SGCD: variants seen among roughly 807,000 people sequenced by gnomAD.
The protein encoded by SGCD is delta-sarcoglycan.
A neutral mutation model predicts 36.6 loss-of-function variants in SGCD; 18 were observed. The observed-to-expected ratio is 0.49, with a 90% CI of 0.34 to 0.73. The LOEUF is 0.73. Ranked by LOEUF, SGCD falls within the 30% of genes least tolerant of loss-of-function variation. The pLI, the probability that SGCD is intolerant of heterozygous loss-of-function variation, is 0.01. For missense variants in SGCD, 387 were observed against 346.7 expected, an observed-to-expected ratio of 1.12 and a Z score of -0.92; for synonymous variants, 133 against 130.6, an observed-to-expected ratio of 1.02 and a Z score of -0.12.
intron 3 of SGCD, among the ~76,000 whole-genome samples, chr5:156,137,949 A>G (rs561565660): frequency 2.6e-5 from 4 of 152,350 alleles, no homozygotes; most frequent in African/African-American, 9.6e-5. Context: ...CAATAAAATC[A>G]CACATTTTAA....
chr5:156,622,164 G>C (rs1191647115), intron 6 of SGCD, among the ~76,000 whole-genome samples: 2 of 152,046 alleles, frequency 1.3e-5, no homozygotes, highest in Non-Finnish European at 2.9e-5. Flanking sequence ...CAGCCGTGGT[G>C]GCTCACACCT....
At chr5:156,207,577 A>G (rs1764323110) in intron 3 of SGCD, among the ~76,000 whole-genome samples, 1 of 152,200 alleles carries the variant, frequency 6.6e-6, no homozygotes, top group African/African-American at 2.4e-5. Context: ...TCTTAAAATT[A>G]GTAGTTTGGT....
At chr5:155,754,496 CT>C in the SGCD span, among the ~76,000 whole-genome samples, 1 of 152,188 alleles carries the variant, frequency 6.6e-6, no homozygotes, top group South Asian at 2.1e-4. Flanking sequence ...TGCTTCCAAT[CT>C]CCAGCATGGA....
At chr5:156,167,597 T>A (rs1286864742) in intron 3 of SGCD, among the ~76,000 whole-genome samples, 4 of 152,150 alleles carry the variant, frequency 2.6e-5, no homozygotes, top group African/African-American at 9.7e-5. Flanking sequence ...TCCCTGGCAA[T>A]GAGTTCACAT....
intron 1 of SGCD, among the ~76,000 whole-genome samples, chr5:155,910,568 A>G (rs928661492): frequency 6.6e-5 from 10 of 152,116 alleles, no homozygotes; most frequent in East Asian, 1.9e-4. Context: ...TAGTAAAAAA[A>G]TATCCACAGA....
rs902677067 is a variant in SGCD, at chr5:156,763,504, T to A, written c.*4114T>A. ...CAAACTGATGCTGTGAGAAACCAGA[T>A]GAATGCCAGTTTGGCTTTATTTCTA... On this transcript the variant is annotated 3_prime_UTR_variant, in exon 9 of 9. Transcript: ENST00000337851. The A allele has an allele frequency of 4.6e-5, 7 of 152,498 alleles. No homozygotes were observed. Among genetic ancestry groups the A allele is most frequent in the Admixed American group, 3.3e-4 (5 of 15,310 alleles). 9.4% of individuals were successfully genotyped at this position (152,498 alleles called of 1,614,324 possible).
At chr5:156,457,706 C>T (rs1455001856) in intron 3 of SGCD, among the ~76,000 whole-genome samples, 1 of 152,196 alleles carries the variant, frequency 6.6e-6, no homozygotes. Context: ...TTTCCCTATG[C>T]CGCTCATAGT....
chr5:156,435,241 A>G (rs902152989), intron 3 of SGCD, among the ~76,000 whole-genome samples: 1 of 152,210 alleles, frequency 6.6e-6, no homozygotes, highest in African/African-American at 2.4e-5. Flanking sequence ...TTACTTGCTC[A>G]GGGCTACACA....
intron 3 of SGCD, among the ~76,000 whole-genome samples, chr5:156,350,520 G>A (rs1769198140): frequency 6.6e-6 from 1 of 152,156 alleles, no homozygotes; most frequent in East Asian, 1.9e-4. Context: ...TGCTGGAAGA[G>A]CCTTTCCAGT....
intron 4 of SGCD, among the ~76,000 whole-genome samples, chr5:156,582,445 T>G (rs1760307926): frequency 6.6e-6 from 1 of 152,130 alleles, no homozygotes; most frequent in Non-Finnish European, 1.5e-5. Context: ...CATGTAAGGA[T>G]AAAACATCTG....
At chr5:156,540,002 A>G (rs1561765488) in intron 4 of SGCD, among the ~76,000 whole-genome samples, 1 of 152,154 alleles carries the variant, frequency 6.6e-6, no homozygotes, top group Non-Finnish European at 1.5e-5. Flanking sequence ...CACTAAGTGA[A>G]TACACTTTCT....
chr5:156,758,390 T>G (rs1429893421), intron 8 of SGCD, among the ~76,000 whole-genome samples: 1 of 52,892 alleles, frequency 1.9e-5, no homozygotes, highest in Non-Finnish European at 4.4e-5. Context: ...AATCTGTGTG[T>G]TTTTTTTTTT....
the SGCD span, among the ~76,000 whole-genome samples, chr5:155,808,579 T>C: frequency 6.6e-6 from 1 of 152,200 alleles, no homozygotes; most frequent in African/African-American, 2.4e-5. Context: ...GGGCAAACTA[T>C]TGCATCTGAG....
At chr5:155,956,967 C>T (rs1463773983) in intron 1 of SGCD, among the ~76,000 whole-genome samples, 2 of 152,032 alleles carry the variant, frequency 1.3e-5, no homozygotes. Context: ...TTCCCTGCTT[C>T]TTGGTTCATT....
At chr5:155,821,843 C>A in the SGCD span, among the ~76,000 whole-genome samples, 7 of 152,058 alleles carry the variant, frequency 4.6e-5, no homozygotes, top group African/African-American at 1.7e-4. Flanking sequence ...AATATGTGAA[C>A]TAAATAGATG....
At chr5:156,377,724 C>T (rs996487528) in intron 3 of SGCD, among the ~76,000 whole-genome samples, 13 of 152,246 alleles carry the variant, frequency 8.5e-5, no homozygotes, top group Admixed American at 8.5e-4. Context: ...CTCTTTACTA[C>T]CAATAATGTC....
At chr5:156,136,666 G>T (rs1215501848) in intron 3 of SGCD, among the ~76,000 whole-genome samples, 2 of 152,188 alleles carry the variant, frequency 1.3e-5, no homozygotes, top group East Asian at 3.9e-4. Context: ...ATATAAGGAA[G>T]TGTGTAACCT....
chr5:156,541,796 A>G (rs950682424), intron 4 of SGCD, among the ~76,000 whole-genome samples: 7 of 152,172 alleles, frequency 4.6e-5, no homozygotes, highest in African/African-American at 7.2e-5. Flanking sequence ...GTATGCTGCA[A>G]TGAATCTTTA....
the SGCD span, among the ~76,000 whole-genome samples, chr5:155,852,585 A>T: frequency 6.6e-6 from 1 of 152,190 alleles, no homozygotes; most frequent in Admixed American, 6.6e-5. Flanking sequence ...AGGATGGAAC[A>T]AATTTGAATA....
Sources: allele counts gnomAD v4.1 joint callset (sites outside exome capture counted in the v4.1 genomes callset), GRCh38; gene constraint gnomAD v4.1.1; transcripts MANE v1.5; gene names NCBI Gene and HGNC (gene_info 2026-07-23, HGNC 2026-07-21).